ABLIM1: variants seen among roughly 807,000 people sequenced by gnomAD.
ABLIM1 encodes actin binding LIM protein 1, also known as actin-binding LIM protein 1.
A neutral mutation model predicts 107.0 loss-of-function variants in ABLIM1; 40 were observed. The observed-to-expected ratio is 0.37, with a 90% CI of 0.29 to 0.49. ABLIM1 has a LOEUF of 0.49. Ranked by LOEUF, ABLIM1 falls within the 20% of genes least tolerant of loss-of-function variation. The probability of loss-of-function intolerance (pLI) is 0.97; values close to 1 mark genes in which losing one functional copy is unlikely to be tolerated. For missense variants in ABLIM1, 857 were observed against 1,008.5 expected (o/e 0.85, Z 2.04); for synonymous variants, 357 against 357.3 (o/e 1.00, Z 0.01).
intron 1 of ABLIM1, among the ~76,000 whole-genome samples, chr10:114,674,921 T>C (rs948114371): frequency 1.1e-4 from 17 of 152,264 alleles, no homozygotes; most frequent in Middle Eastern, 3.4e-3. Flanking sequence ...CTGCCCAGAA[T>C]TCCCTGACCT....
At chr10:114,452,874 T>A (rs1000569134) in intron 13 of ABLIM1, among the ~76,000 whole-genome samples, 1 of 152,370 alleles carries the variant, frequency 6.6e-6, no homozygotes, top group Admixed American at 6.5e-5. Context: ...TAGTCTGTTA[T>A]GCGCTGCAGA....
Position 114,558,902 on chromosome 10 carries a change from A to AGTGTGTGT in ABLIM1, c.674-11134_674-11127dup, listed in dbSNP as rs377352513. On this transcript the variant is annotated intron_variant, in intron 4 of 22. Transcript: ENST00000533213. ...GTTTCAGGTCCTGTCAGGGAGAACT[A>AGTGTGTGT]GTGTGTGTGTCTGTGTGTGTGTGTG... Among the ~76,000 whole-genome samples, 1,390 of 148,690 alleles carry AGTGTGTGT rather than the reference A, an allele frequency of 9.3e-3. 13 individuals are homozygous for AGTGTGTGT. The highest frequency in any genetic ancestry group is 0.023 in the African/African-American group (914 of 39,126).
Position 114,436,378 on chromosome 10 carries a change from G to GA in ABLIM1, c.2224-6dup. 5.7e-6 allele frequency: 9 copies of GA among 1,589,306 alleles called. No homozygotes were observed. The Admixed American group carries it at 9.1e-5, about 16-fold the overall frequency. On this transcript the variant is annotated splice_region_variant and splice_polypyrimidine_tract_variant and intron_variant, in intron 22 of 22. Transcript: ENST00000533213. The stretch of plus-strand genomic sequence containing the variant: ...CACTTCAGGGGCTAAGTGGCGCTGG[G>GA]AAGAAGAAAAAAAAAAAAGAGCTGC...
intron 1 of ABLIM1, among the ~76,000 whole-genome samples, chr10:114,628,431 G>A (rs1414893255): frequency 6.6e-6 from 1 of 152,214 alleles, no homozygotes; most frequent in East Asian, 1.9e-4. Flanking sequence ...GTAATGCTGA[G>A]GTTGAAAAAC....
intron 12 of ABLIM1, among the ~76,000 whole-genome samples, chr10:114,454,101 T>C (rs1011419258): frequency 6.6e-6 from 1 of 152,146 alleles, no homozygotes; most frequent in African/African-American, 2.4e-5. Context: ...TTCACGACCA[T>C]TTATACCTCT....
At chr10:114,765,726 C>T (rs2082876481) in intron 1 of ABLIM1, among the ~76,000 whole-genome samples, 1 of 152,218 alleles carries the variant, frequency 6.6e-6, no homozygotes, top group African/African-American at 2.4e-5. Context: ...AATAAAAGTG[C>T]TGCATAAAAA....
chr10:114,632,624 A>T, intron 1 of ABLIM1: 1 of 985,424 alleles, frequency 1.0e-6, no homozygotes, highest in Non-Finnish European at 1.2e-6. Flanking sequence ...GAAGGTAGAG[A>T]CTGAGAGACA....
intron 1 of ABLIM1, among the ~76,000 whole-genome samples, chr10:114,644,989 C>A (rs761803567): frequency 1.2e-4 from 18 of 152,172 alleles, no homozygotes; most frequent in Non-Finnish European, 2.2e-4. Flanking sequence ...TCCCCCATCT[C>A]TCTACCTATT....
At chr10:114,567,131 C>A (rs1429893697) in intron 4 of ABLIM1, among the ~76,000 whole-genome samples, 1 of 152,238 alleles carries the variant, frequency 6.6e-6, no homozygotes, top group Non-Finnish European at 1.5e-5. Flanking sequence ...GTAGAAAGTG[C>A]ACAGCTCTTG....
intron 2 of ABLIM1, among the ~76,000 whole-genome samples, chr10:114,576,988 C>T (rs988880099): frequency 6.6e-6 from 1 of 152,206 alleles, no homozygotes. Flanking sequence ...CCTGCTTCTT[C>T]TTCCCCAGAT....
Position 114,674,506 on chromosome 10 carries a change from G to A in ABLIM1, c.64+9784C>T, listed in dbSNP as rs552026313. 1.9e-4 allele frequency among the ~76,000 whole-genome samples: 29 copies of A among 152,228 alleles called. No homozygotes were observed. The South Asian group carries it at 3.3e-3, about 17-fold the overall frequency. ...AGAGTTGGGTTCAAGCTCTGGCTCCGCTATTTACCACGAAGTTGGGCAAGA... is the reference window on the plus strand; with the variant it reads ...AGAGTTGGGTTCAAGCTCTGGCTCCACTATTTACCACGAAGTTGGGCAAGA... On this transcript the variant is annotated intron_variant, in intron 1 of 23. Transcript: ENST00000369256.
chr10:114,793,071 G>A, the ABLIM1 span, among the ~76,000 whole-genome samples: 1 of 152,172 alleles, frequency 6.6e-6, no homozygotes, highest in South Asian at 2.1e-4. Flanking sequence ...AGAATCACTT[G>A]AACCTGGGAG....
chr10:114,437,427 T>C (rs574119478), intron 22 of ABLIM1, among the ~76,000 whole-genome samples: 7 of 151,824 alleles, frequency 4.6e-5, no homozygotes, highest in African/African-American at 1.7e-4. Context: ...CAAGCGATTC[T>C]CCTGCCTCAG....
chr10:114,497,909 C>T (rs1399225953), intron 6 of ABLIM1, among the ~76,000 whole-genome samples: 1 of 152,158 alleles, frequency 6.6e-6, no homozygotes, highest in Non-Finnish European at 1.5e-5. Flanking sequence ...GTTATTATTG[C>T]TATTTAGTTA....
intron 17 of ABLIM1, among the ~76,000 whole-genome samples, chr10:114,442,868 T>C (rs2060396332): frequency 6.6e-6 from 1 of 151,322 alleles, no homozygotes; most frequent in Non-Finnish European, 1.5e-5. Flanking sequence ...TGAGACAGAG[T>C]CTCACTCTCA....
chr10:114,698,963 C>A (rs186400788), intron 1 of ABLIM1, among the ~76,000 whole-genome samples: 2 of 151,980 alleles, frequency 1.3e-5, no homozygotes, highest in South Asian at 4.1e-4. Flanking sequence ...AGCTATATAA[C>A]AGATCTAGAA....
At chr10:114,465,322 T>C (rs764671104) in intron 12 of ABLIM1, 1 of 161,666 alleles carries the variant, frequency 6.2e-6, no homozygotes, top group Non-Finnish European at 1.3e-5. Flanking sequence ...AAATGGCTAA[T>C]ACTGAATTTT....
At position 114,473,916 on chromosome 10, in the gene ABLIM1, C is replaced by T. The variant is rs772641158; in HGVS notation, c.1082G>A (p.Gly361Asp). The T allele has an allele frequency of 3.1e-6, 5 of 1,613,804 alleles. No homozygotes were observed. The highest frequency in any genetic ancestry group is 2.2e-5 in the South Asian group (2 of 91,052). The change falls in exon 9 of 23, where the codon GGC becomes GAC. Residue 361 changes from glycine (G) to aspartate (D), a missense_variant. Around this residue, in one of 5 missense-constraint regions of ABLIM1, gnomAD observed 381 missense variants for 506.9 expected, o/e 0.75. Transcript: ENST00000533213. ...TSSESIYSRP[G>D]SSIPGSPGHT... Reference sequence around the variant, plus strand: ...ACCTGGTGAGCCAGGAATACTGGAGCCTGGCCTAGAATAAATACTTTCCGA... The same window carrying T: ...ACCTGGTGAGCCAGGAATACTGGAGTCTGGCCTAGAATAAATACTTTCCGA...
chr10:114,486,027 T>G (rs532302196), intron 8 of ABLIM1, among the ~76,000 whole-genome samples: 1 of 152,264 alleles, frequency 6.6e-6, no homozygotes, highest in East Asian at 1.9e-4. Context: ...TGTCCTGACC[T>G]CCCACGTAGT....
Sources: allele counts gnomAD v4.1 joint callset (sites outside exome capture counted in the v4.1 genomes callset), GRCh38; gene constraint gnomAD v4.1.1; regional missense constraint gnomAD v4.1.1; transcripts MANE v1.5; gene names NCBI Gene and HGNC (gene_info 2026-07-23, HGNC 2026-07-21).